GPATCH2: variants seen among roughly 807,000 people sequenced by gnomAD.
The protein encoded by GPATCH2 is G patch domain-containing protein 2.
Under a neutral mutation model 58.0 loss-of-function variants are expected in GPATCH2, and 51 were observed. That is an observed-to-expected ratio of 0.88 (90% CI 0.70 to 1.11). The LOEUF (loss-of-function observed/expected upper bound fraction) is 1.11. Ranked by LOEUF, GPATCH2 falls within the 50% of genes most tolerant of loss-of-function variation. The probability of loss-of-function intolerance (pLI) is 0.00; values close to 1 mark genes in which losing one functional copy is unlikely to be tolerated. For missense variants in GPATCH2, 625 were observed against 652.2 expected (o/e 0.96, Z 0.45); for synonymous variants, 222 against 218.5 (o/e 1.02, Z -0.14).
Position 217,609,165 on chromosome 1 carries a change from T to C in GPATCH2, c.1098+1156A>G, listed in dbSNP as rs562145936. 3.1e-6 allele frequency: 3 copies of C among 972,550 alleles called. No homozygotes were observed. The South Asian group carries it at 1.4e-4, about 46-fold the overall frequency. The allele number at this position is 972,550 out of a possible 1,614,324, so 60.2% of individuals were successfully genotyped here. On this transcript the variant is annotated intron_variant, in intron 5 of 9. Transcript: ENST00000366935. ...TGAAGAACTCAAATGGCTGAACTTA[T>C]TATAGTGTCTAAATTATACCATCAA... is the stretch of plus-strand genomic sequence containing the variant.
intron 5 of GPATCH2, chr1:217,609,741 T>A: frequency 1.1e-6 from 1 of 946,922 alleles, no homozygotes; most frequent in Non-Finnish European, 1.3e-6. Context: ...ATGATTTTTA[T>A]TTACAACAGT....
At position 217,620,051 on chromosome 1, in the gene GPATCH2, C is replaced by T; in HGVS notation, c.505G>A (p.Val169Ile). 1 of 1,613,928 alleles carries T rather than the reference C, an allele frequency of 6.2e-7. No individual in the cohort carries two copies. The highest frequency in any genetic ancestry group is 8.5e-7 in the Non-Finnish European group (1 of 1,179,934). ...RRRRKVKRMA[V>I]DLPQDISNKR... The stretch of plus-strand genomic sequence containing the variant: ...TTAGAGATGTCCTGTGGGAGATCTA[C>T]TGCCATGCGTTTTACCTTTCTCCTC... Residue 169 changes from valine (V) to isoleucine (I), a missense_variant, in exon 2 of 10, where the codon GTA becomes ATA. Physicochemically the swap from Val to Ile is conservative, Grantham distance 29. Coordinates refer to ENST00000366935, the MANE Select transcript of GPATCH2 (RefSeq NM_018040.5).
At chr1:217,569,001 T>C (rs1246641949) in intron 5 of GPATCH2, among the ~76,000 whole-genome samples, 2 of 152,094 alleles carry the variant, frequency 1.3e-5, no homozygotes, top group Non-Finnish European at 2.9e-5. Flanking sequence ...CCACTAGGAT[T>C]TACTAATGAA....
chr1:217,604,197 A>C (rs963613674), intron 5 of GPATCH2, among the ~76,000 whole-genome samples: 8 of 151,950 alleles, frequency 5.3e-5, no homozygotes, highest in African/African-American at 1.9e-4. Context: ...TTAAAAATAC[A>C]AAAATTAGCA....
At chr1:217,518,709 T>A (rs566600151) in intron 5 of GPATCH2, among the ~76,000 whole-genome samples, 34 of 152,242 alleles carry the variant, frequency 2.2e-4, no homozygotes, top group Non-Finnish European at 3.4e-4. Context: ...TTTCTTTTCA[T>A]GTCCACACGT....
chr1:217,571,714 AAAAAAAC>A (rs1191469319), intron 5 of GPATCH2, among the ~76,000 whole-genome samples: 5 of 148,742 alleles, frequency 3.4e-5, no homozygotes, highest in South Asian at 2.1e-4. Flanking sequence ...AAAAAAAAAA[AAAAAAAC>A]AAAAAAGAAG....
intron 6 of GPATCH2, among the ~76,000 whole-genome samples, chr1:217,510,946 A>T (rs191856170): frequency 1.3e-5 from 2 of 151,842 alleles, no homozygotes; most frequent in African/African-American, 4.8e-5. Flanking sequence ...AATACAAAAA[A>T]AATTATCTGG....
At chr1:217,487,930 C>G (rs1436199610) in intron 8 of GPATCH2, among the ~76,000 whole-genome samples, 1 of 152,040 alleles carries the variant, frequency 6.6e-6, no homozygotes, top group African/African-American at 2.4e-5. Context: ...TTAGTAGAGA[C>G]GCGGTTTCAC....
At chr1:217,575,954 A>G (rs1666784115) in intron 5 of GPATCH2, among the ~76,000 whole-genome samples, 1 of 152,170 alleles carries the variant, frequency 6.6e-6, no homozygotes, top group African/African-American at 2.4e-5. Context: ...ACTGTCCAAG[A>G]CACCGTGAGT....
chr1:217,486,394 C>CT, intron 8 of GPATCH2, among the ~76,000 whole-genome samples: 1 of 152,164 alleles, frequency 6.6e-6, no homozygotes, highest in South Asian at 2.1e-4. Context: ...TGTCAAATGT[C>CT]TTTTTTCTTT....
chr1:217,464,936 A>G (rs1660375862), intron 8 of GPATCH2, among the ~76,000 whole-genome samples: 1 of 152,152 alleles, frequency 6.6e-6, no homozygotes, highest in Non-Finnish European at 1.5e-5. Flanking sequence ...CACAAAAATG[A>G]AAACTACACC....
At chr1:217,462,766 T>C (rs1289416774) in intron 8 of GPATCH2, among the ~76,000 whole-genome samples, 1 of 152,218 alleles carries the variant, frequency 6.6e-6, no homozygotes, top group Admixed American at 6.5e-5. Context: ...GTTTTTTCAT[T>C]TCTCCTCACC....
chr1:217,525,133 GACT>G (rs1363907529), intron 5 of GPATCH2, among the ~76,000 whole-genome samples: 4 of 151,412 alleles, frequency 2.6e-5, no homozygotes, highest in East Asian at 3.9e-4. Context: ...GTCAAAAGGT[GACT>G]ACATTTATTT....
Position 217,514,825 on chromosome 1 carries a change from T to A in GPATCH2, c.1163A>T (p.His388Leu). The change falls in exon 6 of 10, where the codon CAT becomes CTT. Residue 388 changes from histidine (H) to leucine (L), a missense_variant. By Grantham distance (99) the His-to-Leu change is moderately conservative. Coordinates refer to ENST00000366935, the MANE Select transcript of GPATCH2 (RefSeq NM_018040.5). ...TATAAACACACTGAGTACTCACTCA[T>A]GGTGATGAGAATCCGGGGAAAAATG... is the stretch of plus-strand genomic sequence containing the variant. Reference protein sequence around the residue: ...MVHFSPDSHHHDHWFSPGART... With the variant: ...MVHFSPDSHHLDHWFSPGART... 3 of 1,454,206 alleles carry A rather than the reference T, an allele frequency of 2.1e-6. No homozygotes were observed. The highest frequency in any genetic ancestry group is 2.9e-6 in the Non-Finnish European group (3 of 1,034,450). The allele number at this position is 1,454,206 out of a possible 1,614,324, so 90.1% of individuals were successfully genotyped here.
At chr1:217,595,937 A>AT (rs1558511831) in intron 5 of GPATCH2, among the ~76,000 whole-genome samples, 2 of 152,042 alleles carry the variant, frequency 1.3e-5, no homozygotes, top group Non-Finnish European at 2.9e-5. Flanking sequence ...ATATATATAT[A>AT]AAAAAGAAAA....
rs191070729 is a variant in GPATCH2 at position 217,438,610 on chromosome 1, A to C, written c.1367-7245T>G. 7.9e-5 allele frequency among the ~76,000 whole-genome samples: 12 copies of C among 152,288 alleles called. No individual in the cohort carries two copies. The East Asian group carries it at 2.3e-3, about 29-fold the overall frequency. On this transcript the variant is annotated intron_variant, in intron 9 of 9. Coordinates refer to ENST00000366935, the MANE Select transcript of GPATCH2 (RefSeq NM_018040.5). ...AGCTAAATTGATCAAGCGGAAGAAA[A>C]TATATCAGAGATTGAAGATCATCTA...
At chr1:217,494,536 C>T (rs1177146164) in intron 7 of GPATCH2, among the ~76,000 whole-genome samples, 2 of 152,100 alleles carry the variant, frequency 1.3e-5, no homozygotes, top group South Asian at 2.1e-4. Context: ...GTCGGGAGTT[C>T]GAAACCAGCC....
intron 9 of GPATCH2, among the ~76,000 whole-genome samples, chr1:217,437,899 C>A (rs1302518383): frequency 6.6e-6 from 1 of 152,216 alleles, no homozygotes; most frequent in Non-Finnish European, 1.5e-5. Flanking sequence ...GGAAAGAATG[C>A]CTCCTCAAGT....
At chr1:217,536,535 A>AT (rs1028321514) in intron 5 of GPATCH2, among the ~76,000 whole-genome samples, 39 of 152,190 alleles carry the variant, frequency 2.6e-4, no homozygotes, top group African/African-American at 8.7e-4. Flanking sequence ...CCTATTTCTA[A>AT]TTTTTTGGAA....
Sources: gnomAD v4.1 joint callset for allele counts (sites outside exome capture counted in the v4.1 genomes callset) on GRCh38, gnomAD v4.1.1 for gene constraint, MANE v1.5 for transcripts, NCBI Gene and HGNC (gene_info 2026-07-23, HGNC 2026-07-21) for gene names.